The following FSIP1 variants were observed in gnomAD, a reference collection of about 807,000 sequenced individuals.
FSIP1 encodes fibrous sheath interacting protein 1.
A neutral mutation model predicts 60.9 loss-of-function variants in FSIP1; 65 were observed. That is an observed-to-expected ratio of 1.07 (90% confidence interval 0.87 to 1.31). The LOEUF is 1.31. FSIP1 is among the 40% of genes most tolerant of loss of function. FSIP1 has a pLI of 0.00. For synonymous variants in FSIP1, 209 were observed against 221.2 expected (o/e 0.94, Z 0.49); for missense variants, 675 against 665.5 (o/e 1.01, Z -0.16).
chr15:39,741,927 A>G, intron 5 of FSIP1, 27 bp from the exon 6 acceptor site: 1 of 1,185,492 alleles, frequency 8.4e-7, no homozygotes, highest in Non-Finnish European at 1.3e-6. Context: ...TCACTTGTTC[A>G]ATGCTCACAA....
chr15:39,749,711 AG>A (rs886306037), intron 5 of FSIP1, among the ~76,000 whole-genome samples: 125 of 152,172 alleles, frequency 8.2e-4, no homozygotes, highest in African/African-American at 2.9e-3. Flanking sequence ...ATCATAACCA[AG>A]GGGGAAAAAC....
chr15:39,655,782 T>C (rs529574354), intron 10 of FSIP1, among the ~76,000 whole-genome samples: 28 of 152,292 alleles, frequency 1.8e-4, no homozygotes, highest in African/African-American at 6.7e-4. Flanking sequence ...AAGACTATGA[T>C]ATATTTTGAA....
At chr15:39,624,005 C>T (rs1891542696) in intron 10 of FSIP1, among the ~76,000 whole-genome samples, 1 of 152,190 alleles carries the variant, frequency 6.6e-6, no homozygotes, top group Non-Finnish European at 1.5e-5. Context: ...TCTCTATATT[C>T]TTTTGCTTAA....
chr15:39,713,793 C>A (rs985230232), intron 9 of FSIP1, among the ~76,000 whole-genome samples: 1 of 152,182 alleles, frequency 6.6e-6, no homozygotes, highest in East Asian at 1.9e-4. Flanking sequence ...AACCCAACTT[C>A]TGTAATCATT....
Position 39,765,589 on chromosome 15 carries a change from T to C in FSIP1, c.465+3A>G. On this transcript the variant is annotated splice_donor_region_variant and intron_variant, in intron 4 of 11. Transcript: ENST00000350221. ...TGTCAGCATAAGGTTAGATAATTCT[T>C]ACCTTAATTTCTTCCCACAGCTTTA... 1 of 1,569,858 alleles carries C rather than the reference T, an allele frequency of 6.4e-7. No individual in the cohort carries two copies. The highest frequency in any genetic ancestry group is 2.3e-5 in the East Asian group (1 of 43,940).
chr15:39,711,618 CGTTACCACTACAAT>C (rs1188012537), intron 10 of FSIP1, among the ~76,000 whole-genome samples: 1 of 150,144 alleles, frequency 6.7e-6, no homozygotes, highest in Non-Finnish European at 1.5e-5. Context: ...AATGTACTAT[CGTTACCACTACAAT>C]GACTGGCCAA....
At chr15:39,694,566 G>A (rs937723771) in intron 10 of FSIP1, among the ~76,000 whole-genome samples, 7 of 151,944 alleles carry the variant, frequency 4.6e-5, no homozygotes, top group Non-Finnish European at 8.8e-5. Context: ...TTTGGGAGGC[G>A]AAGGCAGGTG....
intron 10 of FSIP1, among the ~76,000 whole-genome samples, chr15:39,645,895 A>C (rs1892582676): frequency 6.6e-6 from 1 of 152,222 alleles, no homozygotes; most frequent in Admixed American, 6.5e-5. Flanking sequence ...GGAAGGGGGC[A>C]GGGTCCCCAG....
intron 10 of FSIP1, among the ~76,000 whole-genome samples, chr15:39,712,077 A>G (rs1895539587): frequency 6.6e-6 from 1 of 152,162 alleles, no homozygotes; most frequent in Non-Finnish European, 1.5e-5. Flanking sequence ...TATAATGCCC[A>G]TGAGATTTCT....
intron 8 of FSIP1, among the ~76,000 whole-genome samples, chr15:39,730,925 A>G (rs1178068325): frequency 6.6e-6 from 1 of 152,126 alleles, no homozygotes; most frequent in Non-Finnish European, 1.5e-5. Context: ...CCGGTGTACA[A>G]ACCTGGTTCC....
intron 11 of FSIP1, among the ~76,000 whole-genome samples, chr15:39,616,147 T>C (rs1814207559): frequency 6.6e-6 from 1 of 152,166 alleles, no homozygotes; most frequent in Admixed American, 6.5e-5. Context: ...AATCCAAATA[T>C]TTATATAGAA....
At chr15:39,599,627 G>A (rs1024403399), downstream of FSIP1, among the ~76,000 whole-genome samples, 3 of 147,654 alleles carry the variant, frequency 2.0e-5, no homozygotes, top group Admixed American at 6.9e-5. Context: ...CCTCTGAAAC[G>A]CTGACGGACA....
At chr15:39,671,644 A>G (rs1181399736) in intron 10 of FSIP1, among the ~76,000 whole-genome samples, 2 of 152,194 alleles carry the variant, frequency 1.3e-5, no homozygotes, top group Non-Finnish European at 2.9e-5. Flanking sequence ...GTCTGAGGGC[A>G]GTGGAGTCCT....
chr15:39,760,147 A>T (rs1375840538), intron 5 of FSIP1, among the ~76,000 whole-genome samples: 1 of 152,218 alleles, frequency 6.6e-6, no homozygotes, highest in African/African-American at 2.4e-5. Flanking sequence ...TGGCACATCC[A>T]TCTAATGAAT....
chr15:39,711,320 C>G (rs1895497477), intron 10 of FSIP1, among the ~76,000 whole-genome samples: 1 of 152,120 alleles, frequency 6.6e-6, no homozygotes, highest in African/African-American at 2.4e-5. Flanking sequence ...CCCCTGGGGC[C>G]TCTTTTATAA....
intron 10 of FSIP1, among the ~76,000 whole-genome samples, chr15:39,688,320 G>C (rs543785515): frequency 6.6e-6 from 1 of 152,212 alleles, no homozygotes; most frequent in East Asian, 1.9e-4. Flanking sequence ...CTAACCTACT[G>C]AACATCATAG....
intron 10 of FSIP1, among the ~76,000 whole-genome samples, chr15:39,636,352 T>C (rs909975238): frequency 2.6e-5 from 4 of 152,222 alleles, no homozygotes; most frequent in Admixed American, 2.0e-4. Flanking sequence ...CCAGTATCAA[T>C]TGGGAAAGTC....
At chr15:39,722,719 C>T (rs1349357195) in intron 9 of FSIP1, among the ~76,000 whole-genome samples, 1 of 152,012 alleles carries the variant, frequency 6.6e-6, no homozygotes, top group East Asian at 1.9e-4. Flanking sequence ...TCTCTTGAGG[C>T]CAGGAGTTCA....
At chr15:39,648,730 C>T (rs2140432389) in intron 10 of FSIP1, among the ~76,000 whole-genome samples, 2 of 152,242 alleles carry the variant, frequency 1.3e-5, no homozygotes, top group South Asian at 4.1e-4. Flanking sequence ...AGGGAGACTT[C>T]TTGGGAAAGT....
Sources: allele counts gnomAD v4.1 joint callset (sites outside exome capture counted in the v4.1 genomes callset), GRCh38; gene constraint gnomAD v4.1.1; transcripts MANE v1.5; gene names NCBI Gene and HGNC (gene_info 2026-07-23, HGNC 2026-07-21).